ERICH2: variants seen among roughly 807,000 people sequenced by gnomAD.
The protein encoded by ERICH2 is glutamate-rich protein 2.
A neutral mutation model predicts 17.4 loss-of-function variants in ERICH2; 17 were observed. The ratio of observed to expected loss-of-function variants is 0.98; its 90% CI spans 0.67 to 1.47. The LOEUF is 1.47. Among genes scored for constraint, ERICH2 ranks in the 40% most tolerant of loss-of-function variants. The pLI is 0.00. For synonymous variants in ERICH2, 51 were observed against 61.1 expected (o/e 0.83, Z 0.77); for missense variants, 186 against 183.2 (o/e 1.01, Z -0.09).
At chr2:170,770,941 A>C in the ERICH2 span, among the ~76,000 whole-genome samples, 25 of 96,544 alleles carry the variant, frequency 2.6e-4, no homozygotes, top group Non-Finnish European at 3.4e-4. Flanking sequence ...GCCCGCCTCC[A>C]CCCTGCCTCT....
the ERICH2 span, among the ~76,000 whole-genome samples, chr2:170,775,255 C>T: frequency 6.6e-6 from 1 of 151,436 alleles, no homozygotes; most frequent in South Asian, 2.1e-4. Context: ...AAGTGAGACC[C>T]TGTCTCTTCA....
At chr2:170,795,063 C>G (rs10165379) in intron 3 of ERICH2, among the ~76,000 whole-genome samples, 1 of 151,732 alleles carries the variant, frequency 6.6e-6, no homozygotes, top group Non-Finnish European at 1.5e-5. Context: ...CCACTGCAGT[C>G]TCAATCTCCC....
intron 1 of ERICH2, 65 bp from the exon 7 acceptor site, chr2:170,784,581 C>A: frequency 1.0e-6 from 1 of 979,306 alleles, no homozygotes; most frequent in Non-Finnish European, 1.4e-6. Context: ...GTAATAGGAT[C>A]TGGCAAAATT....
intron 4 of ERICH2, 74 bp downstream of exon 9, chr2:170,798,186 G>A (rs935487967): frequency 1.0e-6 from 1 of 992,206 alleles, no homozygotes; most frequent in Non-Finnish European, 1.5e-6. Context: ...ATTATCCCGG[G>A]AGATTGTCGA....
intron 2 of ERICH2, among the ~76,000 whole-genome samples, chr2:170,785,583 T>A (rs1701141661): frequency 7.0e-6 from 1 of 142,106 alleles, no homozygotes; most frequent in Non-Finnish European, 1.6e-5. Flanking sequence ...TGTATGCTAG[T>A]AACAAAAGTT....
chr2:170,792,838 A>G (rs776284459), intron 2 of ERICH2, 25 bp from the exon 8 acceptor site: 1 of 1,444,000 alleles, frequency 6.9e-7, no homozygotes, highest in Non-Finnish European at 9.3e-7. Context: ...AAATTCACTT[A>G]TCTGAAGAAT....
upstream of ERICH2, among the ~76,000 whole-genome samples, chr2:170,781,605 C>A (rs936932792): frequency 7.3e-5 from 11 of 150,242 alleles, no homozygotes; most frequent in African/African-American, 2.7e-4. Flanking sequence ...AGCACTCCAG[C>A]CTGGGTGATA....
At position 170,796,265 on chromosome 2, in the gene ERICH2, G is replaced by A. The variant is rs552316066; in HGVS notation, c.275-1776G>A. Among the ~76,000 whole-genome samples, 20 of 152,208 alleles carry A rather than the reference G, an allele frequency of 1.3e-4. No individual in the cohort carries two copies. The South Asian group carries it at 2.9e-3, about 22-fold the overall frequency. Reference sequence around the variant, plus strand: ...TTAAAAGCAGCTTCTAAGCAGGCACGCAGTCATGCTAACCCAGATTGATGA... The same window carrying A: ...TTAAAAGCAGCTTCTAAGCAGGCACACAGTCATGCTAACCCAGATTGATGA... On this transcript the variant is annotated intron_variant, in intron 3 of 4. Transcript: ENST00000409885.
At chr2:170,798,652 C>T in intron 4 of ERICH2, 118 bp from the exon 10 acceptor site, 1 of 1,280,142 alleles carries the variant, frequency 7.8e-7, no homozygotes, top group Non-Finnish European at 1.1e-6. Flanking sequence ...CCAAGTCCAA[C>T]TCAGTTCTTA....
Position 170,798,511 on chromosome 2 carries a change from C to T in ERICH2, c.347-259C>T, listed in dbSNP as rs576247155. 9.2e-5 allele frequency among the ~76,000 whole-genome samples: 14 copies of T among 152,128 alleles called. No homozygotes were observed. The South Asian group carries it at 2.7e-3, about 29-fold the overall frequency. ...TATGATAGAAAGAATTCTATGAAAT[C>T]GTTAAATAGAATTTCATTGACAATA... On this transcript the variant is annotated intron_variant, in intron 4 of 4. Transcript: ENST00000409885.
At chr2:170,791,684 C>T (rs988488095) in intron 2 of ERICH2, among the ~76,000 whole-genome samples, 5 of 150,102 alleles carry the variant, frequency 3.3e-5, no homozygotes, top group African/African-American at 1.2e-4. Context: ...AGCGAGACTC[C>T]GTCTCAAAAA....
upstream of ERICH2, chr2:170,779,800 C>G: frequency 1.0e-6 from 1 of 981,476 alleles, no homozygotes; most frequent in Non-Finnish European, 1.2e-6. Context: ...AAGTAAATGC[C>G]TCTTTGGACG....
chr2:170,776,848 T>C, the ERICH2 span, among the ~76,000 whole-genome samples: 1 of 152,060 alleles, frequency 6.6e-6, no homozygotes, highest in Admixed American at 6.6e-5. Context: ...TGAGGGTTTG[T>C]TTTACATATT....
In ERICH2 at chr2:170,785,950, A is replaced by G. The variant is rs545830089; in HGVS notation, c.216+1117A>G. ...ATGTATGTTGTATAATAGGACACTCATTTCCCTTTCCCATCCTTTGTATTA... is the reference window on the plus strand; with the variant it reads ...ATGTATGTTGTATAATAGGACACTCGTTTCCCTTTCCCATCCTTTGTATTA... On this transcript the variant is annotated intron_variant, in intron 2 of 4. Coordinates refer to ENST00000409885, the Ensembl canonical transcript of ERICH2. Among the ~76,000 whole-genome samples the G allele has an allele frequency of 6.9e-4, 105 of 152,104 alleles. 1 individual carries two copies. The highest frequency in any genetic ancestry group is 2.4e-3 in the African/African-American group (101 of 41,494).
At chr2:170,788,499 G>A (rs1049235093) in intron 2 of ERICH2, among the ~76,000 whole-genome samples, 1 of 144,646 alleles carries the variant, frequency 6.9e-6, no homozygotes, top group Non-Finnish European at 1.5e-5. Flanking sequence ...TCGAGACGGA[G>A]TCTTGCTCTG....
At chr2:170,788,596 C>T (rs999060695) in intron 2 of ERICH2, among the ~76,000 whole-genome samples, 4 of 151,832 alleles carry the variant, frequency 2.6e-5, no homozygotes, top group South Asian at 2.1e-4. Flanking sequence ...CTCAGTCTCC[C>T]GAGTACCTGG....
chr2:170,795,548 A>G (rs946606972), intron 3 of ERICH2, among the ~76,000 whole-genome samples: 2 of 152,010 alleles, frequency 1.3e-5, no homozygotes, highest in African/African-American at 4.8e-5. Flanking sequence ...GGGTTTCACC[A>G]CATTGCCCAG....
At chr2:170,776,498 C>G in the ERICH2 span, among the ~76,000 whole-genome samples, 4 of 152,152 alleles carry the variant, frequency 2.6e-5, no homozygotes, top group Non-Finnish European at 5.9e-5. Context: ...ATATCTCAGC[C>G]TCCCGAGTAG....
exon 5 of ERICH2, chr2:170,798,796 G>C: frequency 6.4e-7 from 1 of 1,550,608 alleles, no homozygotes; most frequent in Non-Finnish European, 8.7e-7. Context: ...TGAGCAAGAC[G>C]GTGAAAACAG....
Sources: gnomAD v4.1 joint callset for allele counts (sites outside exome capture counted in the v4.1 genomes callset) on GRCh38, gnomAD v4.1.1 for gene constraint, MANE v1.5 for transcripts, NCBI Gene and HGNC (gene_info 2026-07-23, HGNC 2026-07-21) for gene names.